The following ST8SIA5 variants were observed in gnomAD, a reference collection of about 807,000 sequenced individuals.
ST8SIA5 encodes ST8 alpha-N-acetyl-neuraminide alpha-2,8-sialyltransferase 5, also known as alpha-2,8-sialyltransferase 8E.
Under a neutral mutation model 40.2 loss-of-function variants are expected in ST8SIA5, and 24 were observed. The observed-to-expected ratio is 0.60, with a 90% CI of 0.43 to 0.84. ST8SIA5 has a LOEUF of 0.84. ST8SIA5 is among the 40% of genes least tolerant of loss of function. ST8SIA5 has a pLI of 0.00. For missense variants in ST8SIA5, 465 were observed against 498.5 expected, an observed-to-expected ratio of 0.93 and a Z score of 0.64; for synonymous variants, 198 against 201.8, an observed-to-expected ratio of 0.98 and a Z score of 0.16.
intron 1 of ST8SIA5, among the ~76,000 whole-genome samples, chr18:46,745,292 C>G (rs375136681): frequency 4.6e-5 from 7 of 151,376 alleles, no homozygotes; most frequent in Non-Finnish European, 5.9e-5. Context: ...TTTTTTGAAA[C>G]GATCAACAAA....
At chr18:46,736,324 G>A (rs1442486536) in intron 1 of ST8SIA5, among the ~76,000 whole-genome samples, 1 of 152,144 alleles carries the variant, frequency 6.6e-6, no homozygotes, top group African/African-American at 2.4e-5. Context: ...CTTTCTGCAT[G>A]AATGATGAAT....
chr18:46,725,049 AAAAG>A (rs1226813769), intron 1 of ST8SIA5, among the ~76,000 whole-genome samples: 89 of 142,446 alleles, frequency 6.2e-4, no homozygotes, highest in African/African-American at 2.3e-3. Flanking sequence ...GGAAGGAAGG[AAAAG>A]AGAGAAAGAA....
intron 1 of ST8SIA5, among the ~76,000 whole-genome samples, chr18:46,755,160 G>A (rs1458497080): frequency 6.6e-6 from 1 of 152,208 alleles, no homozygotes; most frequent in Non-Finnish European, 1.5e-5. Flanking sequence ...GGAGTTACAA[G>A]GAGGGGAAAC....
intron 1 of ST8SIA5, among the ~76,000 whole-genome samples, chr18:46,744,986 A>T (rs1203242691): frequency 6.6e-6 from 1 of 152,256 alleles, no homozygotes; most frequent in Non-Finnish European, 1.5e-5. Context: ...AACGAAATGA[A>T]AGCAGAAATA....
intron 2 of ST8SIA5, among the ~76,000 whole-genome samples, chr18:46,701,819 A>T (rs995722033): frequency 6.6e-6 from 1 of 152,210 alleles, no homozygotes; most frequent in Admixed American, 6.5e-5. Flanking sequence ...CAGACCTTCA[A>T]GGAACCATGA....
chr18:46,697,578 C>T (rs1252564239), intron 2 of ST8SIA5, among the ~76,000 whole-genome samples: 3 of 152,152 alleles, frequency 2.0e-5, no homozygotes, highest in Non-Finnish European at 2.9e-5. Context: ...TGGCTGCATG[C>T]GCCTATAGTC....
At chr18:46,680,866 C>T (rs1421753527) in intron 6 of ST8SIA5, among the ~76,000 whole-genome samples, 1 of 152,226 alleles carries the variant, frequency 6.6e-6, no homozygotes, top group Non-Finnish European at 1.5e-5. Flanking sequence ...ACGCCATTCA[C>T]CTGTACTGTC....
In ST8SIA5 at chr18:46,717,523, C is replaced by T. The variant is rs138049367; in HGVS notation, c.132-12859G>A. ...GCTAATTTTGTATTTTTAGTAGAGACGGGGCTTCTCCACCCTCTCTACTTT... is the reference window on the plus strand; with the variant it reads ...GCTAATTTTGTATTTTTAGTAGAGATGGGGCTTCTCCACCCTCTCTACTTT... On this transcript the variant is annotated intron_variant, in intron 1 of 6. Transcript: ENST00000315087. Among the ~76,000 whole-genome samples the T allele has an allele frequency of 8.9e-4, 136 of 152,116 alleles. 1 individual carries two copies. Among genetic ancestry groups the T allele is most frequent in the Middle Eastern group, 6.8e-3 (2 of 294 alleles).
intron 1 of ST8SIA5, among the ~76,000 whole-genome samples, chr18:46,736,294 C>A (rs1024091729): frequency 6.6e-6 from 1 of 152,130 alleles, no homozygotes; most frequent in African/African-American, 2.4e-5. Context: ...GGCTAGTACA[C>A]AAAGGGCACA....
In ST8SIA5 at chr18:46,668,278, T is replaced by C. The variant is rs1252058783; in HGVS notation, c.*11764A>G. On this transcript the variant is annotated 3_prime_UTR_variant, in exon 7 of 7. Transcript: ENST00000315087. ...GAAAGCAAGGGAGGGAAGGGAGGCA[T>C]GCCACGTGGCCGCTTTTTCTTCATA... 6.6e-6 allele frequency: 1 copy of C among 152,236 alleles called. No individual in the cohort carries two copies. Among genetic ancestry groups the C allele is most frequent in the Admixed American group, 6.5e-5 (1 of 15,280 alleles). 9.4% of individuals were successfully genotyped at this position (152,236 alleles called of 1,614,324 possible). A position where few individuals can be genotyped will look rare whatever the true frequency, so the allele number is the denominator to read the frequency against.
rs549018765 is a variant in ST8SIA5 at position 46,716,905 on chromosome 18, G to C, written c.132-12241C>G. Among the ~76,000 whole-genome samples the C allele has an allele frequency of 8.1e-4, 124 of 152,358 alleles. 1 individual carries two copies. The highest frequency in any genetic ancestry group is 1.9e-4 in the Non-Finnish European group (13 of 68,032). On this transcript the variant is annotated intron_variant, in intron 1 of 6. Coordinates refer to ENST00000315087, the MANE Select transcript of ST8SIA5 (RefSeq NM_013305.6). ...AAGGAGGAAGTGGATACTGGAGGGA[G>C]GACAAGGACCTGGATGTGGAGCCAG...
chr18:46,730,682 A>C (rs1191085158), intron 1 of ST8SIA5, among the ~76,000 whole-genome samples: 1 of 152,176 alleles, frequency 6.6e-6, no homozygotes, highest in Admixed American at 6.6e-5. Flanking sequence ...AAAAATCAAA[A>C]AATTAGAGCT....
At position 46,680,074 on chromosome 18, in the gene ST8SIA5, G is replaced by A. The variant is rs1235483250; in HGVS notation, c.1099C>T (p.Arg367Cys). The change falls in exon 7 of 7, where the codon CGC becomes TGC. Residue 367 changes from arginine (R) to cysteine (C), a missense_variant. Coordinates refer to ENST00000315087, the MANE Select transcript of ST8SIA5 (RefSeq NM_013305.6). ...FLHLHSRGIL[R>C]VHTGTCSCC ...CAGCTGCAGGTGCCCGTGTGCACGC[G>A]GAGGATGCCTCGGCTGTGCAAGTGC... The A allele has an allele frequency of 3.1e-6, 5 of 1,612,820 alleles. No individual in the cohort carries two copies. The highest frequency in any genetic ancestry group is 4.2e-6 in the Non-Finnish European group (5 of 1,179,150).
chr18:46,689,091 A>G (rs921591959), intron 3 of ST8SIA5, 172 bp from the exon 4 acceptor site: 5 of 656,446 alleles, frequency 7.6e-6, no homozygotes, highest in African/African-American at 6.6e-5. Flanking sequence ...CACCCATCCC[A>G]CACACATCCC....
At chr18:46,681,032 T>C (rs2039389979) in intron 6 of ST8SIA5, among the ~76,000 whole-genome samples, 1 of 152,296 alleles carries the variant, frequency 6.6e-6, no homozygotes, top group East Asian at 1.9e-4. Flanking sequence ...AGTGCAGTGG[T>C]GCAATCATAG....
chr18:46,706,437 C>T, intron 1 of ST8SIA5, among the ~76,000 whole-genome samples: 1 of 89,412 alleles, frequency 1.1e-5, no homozygotes, highest in Admixed American at 1.1e-4. Context: ...TACCCCTGCT[C>T]ACTGTCTCTT....
intron 1 of ST8SIA5, among the ~76,000 whole-genome samples, chr18:46,716,044 C>T (rs1330293880): frequency 6.6e-6 from 1 of 151,912 alleles, no homozygotes; most frequent in Non-Finnish European, 1.5e-5. Context: ...GGAAGAACCC[C>T]TCTAACCCCT....
At chr18:46,717,880 C>T (rs2039808533) in intron 1 of ST8SIA5, among the ~76,000 whole-genome samples, 1 of 151,954 alleles carries the variant, frequency 6.6e-6, no homozygotes, top group African/African-American at 2.4e-5. Flanking sequence ...GCACCTACTA[C>T]ATAACAGGTG....
chr18:46,744,987 A>T (rs1344932690), intron 1 of ST8SIA5, among the ~76,000 whole-genome samples: 1 of 152,108 alleles, frequency 6.6e-6, no homozygotes, highest in Non-Finnish European at 1.5e-5. Flanking sequence ...ACGAAATGAA[A>T]GCAGAAATAA....
Sources: allele counts gnomAD v4.1 joint callset (sites outside exome capture counted in the v4.1 genomes callset), GRCh38; gene constraint gnomAD v4.1.1; transcripts MANE v1.5; gene names NCBI Gene and HGNC (gene_info 2026-07-23, HGNC 2026-07-21).